SAMD5: variants seen among roughly 807,000 people sequenced by gnomAD.
SAMD5 encodes sterile alpha motif domain-containing protein 5.
SAMD5 carries 13 observed loss-of-function variants against 11.3 expected under a neutral mutation model. The observed-to-expected ratio is 1.15, with a 90% CI of 0.75 to 1.83. SAMD5 has a LOEUF of 1.83. Ranked by LOEUF, SAMD5 falls within the 40% of genes most tolerant of loss-of-function variation. The pLI is 0.00. For synonymous variants in SAMD5, 129 were observed against 111.3 expected (o/e 1.16, Z -1.00); for missense variants, 255 against 239.1 (o/e 1.07, Z -0.44).
the SAMD5 span, among the ~76,000 whole-genome samples, chr6:147,746,241 C>A: frequency 6.6e-6 from 1 of 152,270 alleles, no homozygotes; most frequent in South Asian, 2.1e-4. Flanking sequence ...ATGACTGCCT[C>A]CCTCCCTTCC....
chr6:147,745,809 C>T, the SAMD5 span, among the ~76,000 whole-genome samples: 8 of 139,210 alleles, frequency 5.7e-5, no homozygotes, highest in Admixed American at 7.6e-5. Context: ...AACAGGATTT[C>T]CCTCTATCAC....
chr6:147,884,276 A>G, the SAMD5 span, among the ~76,000 whole-genome samples: 1 of 152,134 alleles, frequency 6.6e-6, no homozygotes. Context: ...TCCAAGGTGG[A>G]ACGGAGATTG....
chr6:147,730,074 C>CAAA (rs34624038), intron 1 of SAMD5: 4,798 of 303,552 alleles, frequency 0.016, 2 homozygotes, highest in South Asian at 0.021. Context: ...GACTCTGTCT[C>CAAA]AAAAAAAAAA....
intron 1 of SAMD5, among the ~76,000 whole-genome samples, chr6:147,562,988 A>G (rs1026319451): frequency 6.6e-6 from 1 of 152,230 alleles, no homozygotes; most frequent in African/African-American, 2.4e-5. Context: ...GTTTATAACA[A>G]GAGCTGATGT....
the SAMD5 span, among the ~76,000 whole-genome samples, chr6:147,785,836 A>G: frequency 6.6e-6 from 1 of 152,278 alleles, no homozygotes; most frequent in African/African-American, 2.4e-5. Context: ...ATCTCAAGAG[A>G]TTATTAATTT....
intron 1 of SAMD5, among the ~76,000 whole-genome samples, chr6:147,708,497 TCAGA>T (rs1791354681): frequency 6.6e-6 from 1 of 152,140 alleles, no homozygotes; most frequent in Non-Finnish European, 1.5e-5. Flanking sequence ...TGTAAATAGA[TCAGA>T]CACTGTGAAG....
At chr6:147,668,842 A>G (rs1388865690) in intron 1 of SAMD5, among the ~76,000 whole-genome samples, 2 of 152,182 alleles carry the variant, frequency 1.3e-5, no homozygotes, top group East Asian at 3.9e-4. Context: ...AAAAGAAACA[A>G]AAAACAAAGT....
intron 1 of SAMD5, among the ~76,000 whole-genome samples, chr6:147,580,951 T>C (rs1236895887): frequency 6.6e-6 from 1 of 152,084 alleles, no homozygotes; most frequent in Non-Finnish European, 1.5e-5. Flanking sequence ...AGCTCTGAGG[T>C]GGCTTTTTAT....
chr6:147,682,958 G>A (rs2128456438), intron 1 of SAMD5, among the ~76,000 whole-genome samples: 1 of 152,254 alleles, frequency 6.6e-6, no homozygotes, highest in South Asian at 2.1e-4. Context: ...TTGTTCTTCA[G>A]TGAAATTCTA....
chr6:147,519,667 G>A (rs1193095727), intron 1 of SAMD5, among the ~76,000 whole-genome samples: 1 of 152,100 alleles, frequency 6.6e-6, no homozygotes, highest in Non-Finnish European at 1.5e-5. Context: ...GGGAAGATGG[G>A]GCAGCTTTAC....
chr6:147,814,112 C>A, the SAMD5 span, among the ~76,000 whole-genome samples: 1 of 152,186 alleles, frequency 6.6e-6, no homozygotes, highest in Admixed American at 6.5e-5. Context: ...TATAGGAAGA[C>A]TTCAGAAAGA....
At chr6:147,844,551 C>T in the SAMD5 span, among the ~76,000 whole-genome samples, 1 of 152,074 alleles carries the variant, frequency 6.6e-6, no homozygotes, top group Non-Finnish European at 1.5e-5. Context: ...ACATTCACTG[C>T]AGCATTATTC....
the SAMD5 span, among the ~76,000 whole-genome samples, chr6:147,827,687 T>C: frequency 2.6e-5 from 4 of 152,230 alleles, no homozygotes; most frequent in Non-Finnish European, 4.4e-5. Flanking sequence ...TTTCATATTA[T>C]GAGCCCTCTA....
chr6:147,733,327 G>C (rs1791744774), intron 1 of SAMD5, among the ~76,000 whole-genome samples: 1 of 152,182 alleles, frequency 6.6e-6, no homozygotes, highest in Admixed American at 6.5e-5. Flanking sequence ...TAGTGTATTT[G>C]TGTGATTTAT....
At chr6:147,924,419 G>C in the SAMD5 span, among the ~76,000 whole-genome samples, 1 of 152,084 alleles carries the variant, frequency 6.6e-6, no homozygotes, top group Non-Finnish European at 1.5e-5. Flanking sequence ...AAGTTATAAA[G>C]AGTCTTCATA....
the SAMD5 span, among the ~76,000 whole-genome samples, chr6:147,932,591 TGTGTGTG>T: frequency 4.7e-4 from 1 of 2,122 alleles, no homozygotes; most frequent in Non-Finnish European, 7.9e-4. Flanking sequence ...TACAGAATTG[TGTGTGTG>T]TGTGTGTGTG....
intron 1 of SAMD5, among the ~76,000 whole-genome samples, chr6:147,563,766 C>G (rs772086020): frequency 1.4e-4 from 22 of 152,228 alleles, no homozygotes; most frequent in Non-Finnish European, 2.8e-4. Flanking sequence ...ATGAATTCGA[C>G]TAGGTTGCTG....
At chr6:147,820,459 T>C in the SAMD5 span, among the ~76,000 whole-genome samples, 1 of 152,200 alleles carries the variant, frequency 6.6e-6, no homozygotes, top group East Asian at 1.9e-4. Flanking sequence ...CTCGGTTCGA[T>C]TTCATTTTTC....
the SAMD5 span, among the ~76,000 whole-genome samples, chr6:147,915,112 A>C: frequency 6.6e-6 from 1 of 152,226 alleles, no homozygotes; most frequent in Non-Finnish European, 1.5e-5. Context: ...TGAAATTGGA[A>C]TACAGACAGT....
Sources: allele counts gnomAD v4.1 joint callset (sites outside exome capture counted in the v4.1 genomes callset), GRCh38; gene constraint gnomAD v4.1.1; transcripts MANE v1.5; gene names NCBI Gene and HGNC (gene_info 2026-07-23, HGNC 2026-07-21).